ARID2: variants seen among roughly 807,000 people sequenced by gnomAD.
ARID2 encodes the protein AT-rich interactive domain-containing protein 2.
In ARID2, 32 loss-of-function variants were observed where a neutral mutation model predicts 184.6. The observed-to-expected ratio is 0.17, with a 90% confidence interval of 0.13 to 0.23. ARID2 has a LOEUF of 0.23. ARID2 is among the 10% of genes least tolerant of loss of function. The pLI is 1.00. For synonymous variants in ARID2, 836 were observed against 772.6 expected (o/e 1.08, Z -1.36); for missense variants, 1,696 against 2,197.6 (o/e 0.77, Z 4.56).
At chr12:45,850,002 A>G in intron 14 of ARID2, 34 bp from the exon 15 acceptor site, 1 of 1,551,872 alleles carries the variant, frequency 6.4e-7, no homozygotes, top group Non-Finnish European at 8.7e-7. Context: ...CAGTCATTTC[A>G]TTTGGAATTT....
At chr12:45,771,748 G>A (rs1231117811) in intron 3 of ARID2, among the ~76,000 whole-genome samples, 6 of 151,674 alleles carry the variant, frequency 4.0e-5, no homozygotes, top group Admixed American at 2.0e-4. Flanking sequence ...CAATATATTT[G>A]CCAGTTACAG....
intron 3 of ARID2, among the ~76,000 whole-genome samples, chr12:45,791,870 C>T (rs777721867): frequency 6.6e-6 from 1 of 152,188 alleles, no homozygotes. Flanking sequence ...TGAATTTCTT[C>T]AGTAATTATA....
chr12:45,826,055 GAGTTAT>G (rs2138106194), intron 6 of ARID2, among the ~76,000 whole-genome samples: 1 of 152,060 alleles, frequency 6.6e-6, no homozygotes, highest in South Asian at 2.1e-4. Context: ...TAAAATTAAA[GAGTTAT>G]AGTTAGGCAT....
intron 20 of ARID2, among the ~76,000 whole-genome samples, chr12:45,895,789 T>A (rs1226278948): frequency 6.6e-6 from 1 of 152,188 alleles, no homozygotes; most frequent in African/African-American, 2.4e-5. Context: ...TGCCTCGGCC[T>A]CCCAAAGTGC....
intron 3 of ARID2, among the ~76,000 whole-genome samples, chr12:45,745,386 G>A (rs1208748099): frequency 6.6e-6 from 1 of 152,094 alleles, no homozygotes; most frequent in Non-Finnish European, 1.5e-5. Flanking sequence ...CCTGCGTGGG[G>A]ATAATTGACT....
At chr12:45,818,436 T>C (rs1228362672) in intron 5 of ARID2, among the ~76,000 whole-genome samples, 2 of 152,200 alleles carry the variant, frequency 1.3e-5, no homozygotes, top group Non-Finnish European at 2.9e-5. Context: ...CAGTTTTCTC[T>C]TGCAGTTTAA....
chr12:45,890,586 G>A (rs1944285304), intron 16 of ARID2, among the ~76,000 whole-genome samples: 1 of 152,060 alleles, frequency 6.6e-6, no homozygotes, highest in Non-Finnish European at 1.5e-5. Flanking sequence ...AAAACAAAAT[G>A]TATTTACTGA....
At chr12:45,830,564 C>A (rs1943098484) in intron 6 of ARID2, among the ~76,000 whole-genome samples, 1 of 152,146 alleles carries the variant, frequency 6.6e-6, no homozygotes, top group South Asian at 2.1e-4. Flanking sequence ...ATAAACTGAC[C>A]CAGGGTCCTA....
intron 3 of ARID2, among the ~76,000 whole-genome samples, chr12:45,742,852 A>C (rs532350521): frequency 1.2e-4 from 18 of 152,328 alleles, no homozygotes; most frequent in Admixed American, 3.9e-4. Flanking sequence ...GAATAAATGC[A>C]CATGTAGTTT....
At chr12:45,750,360 T>C (rs535002948) in intron 3 of ARID2, among the ~76,000 whole-genome samples, 1 of 152,244 alleles carries the variant, frequency 6.6e-6, no homozygotes, top group African/African-American at 2.4e-5. Context: ...GCATCAAAGA[T>C]TACTGATCAG....
intron 3 of ARID2, among the ~76,000 whole-genome samples, chr12:45,782,397 C>T (rs958228497): frequency 2.6e-5 from 4 of 151,860 alleles, no homozygotes; most frequent in African/African-American, 9.7e-5. Flanking sequence ...ACTGGGAGGC[C>T]GAGGTGGATG....
At chr12:45,789,923 T>C (rs2138051933) in intron 3 of ARID2, among the ~76,000 whole-genome samples, 1 of 152,202 alleles carries the variant, frequency 6.6e-6, no homozygotes, top group East Asian at 1.9e-4. Context: ...TGGAGAACAG[T>C]CTGGGCAACA....
chr12:45,832,567 C>T (rs1199219645), intron 6 of ARID2, among the ~76,000 whole-genome samples: 1 of 151,998 alleles, frequency 6.6e-6, no homozygotes, highest in African/African-American at 2.4e-5. Flanking sequence ...ACCTTGAACA[C>T]GTGAGTTCAA....
rs114317670 is a variant in ARID2, at chr12:45,824,012, G to A, written c.705+2525G>A. Among the ~76,000 whole-genome samples, 1,504 of 152,144 alleles carry A rather than the reference G, an allele frequency of 9.9e-3. 30 individuals carry two copies. Among genetic ancestry groups the A allele is most frequent in the African/African-American group, 0.035 (1,448 of 41,518 alleles). ...AAAACTGGAGGTCAGTATCTGTGAC[G>A]AACATAGATGCAAAAGTCCTCAACA... On this transcript the variant is annotated intron_variant, in intron 6 of 20. Transcript: ENST00000334344.
intron 3 of ARID2, among the ~76,000 whole-genome samples, chr12:45,734,143 C>T (rs1459684415): frequency 3.9e-5 from 6 of 152,220 alleles, no homozygotes; most frequent in South Asian, 4.1e-4. Flanking sequence ...CCGAGGCAGA[C>T]GGATTACCTG....
At chr12:45,790,491 A>G (rs1224791891) in intron 3 of ARID2, among the ~76,000 whole-genome samples, 1 of 152,138 alleles carries the variant, frequency 6.6e-6, no homozygotes, top group East Asian at 1.9e-4. Flanking sequence ...TTCTCTCAGT[A>G]CTGTTTTATG....
chr12:45,886,945 A>G (rs1386540566), intron 16 of ARID2, among the ~76,000 whole-genome samples: 1 of 152,158 alleles, frequency 6.6e-6, no homozygotes, highest in Non-Finnish European at 1.5e-5. Context: ...CATGCCCTGG[A>G]GACATTTTCC....
At chr12:45,802,703 C>T (rs1334136804) in intron 3 of ARID2, among the ~76,000 whole-genome samples, 1 of 152,034 alleles carries the variant, frequency 6.6e-6, no homozygotes, top group Non-Finnish European at 1.5e-5. Context: ...AGAGTACTTA[C>T]ACCACCAAGA....
intron 16 of ARID2, among the ~76,000 whole-genome samples, chr12:45,890,450 G>A (rs539433606): frequency 1.3e-5 from 2 of 152,302 alleles, no homozygotes; most frequent in African/African-American, 4.8e-5. Context: ...TGATTTAATA[G>A]TATTTAGGTA....
Sources: allele counts gnomAD v4.1 joint callset (sites outside exome capture counted in the v4.1 genomes callset), GRCh38; gene constraint gnomAD v4.1.1; transcripts MANE v1.5; gene names NCBI Gene and HGNC (gene_info 2026-07-23, HGNC 2026-07-21).